Variants in ADARB2 observed in about 807,000 individuals in gnomAD.
ADARB2 encodes inactive double-stranded RNA-specific editase B2.
Under a neutral mutation model 62.2 loss-of-function variants are expected in ADARB2, and 25 were observed. That is an observed-to-expected ratio of 0.40 (90% CI 0.29 to 0.56). The LOEUF (loss-of-function observed/expected upper bound fraction) is 0.56, where lower values mean the gene tolerates loss of function less well. ADARB2 is among the 20% of genes least tolerant of loss of function. The pLI is 0.43. For missense variants in ADARB2, 1,071 were observed against 1,077.4 expected, an observed-to-expected ratio of 0.99 and a Z score of 0.08; for synonymous variants, 572 against 500.8, an observed-to-expected ratio of 1.14 and a Z score of -1.90.
At chr10:1,235,571 T>C (rs1214980502) in intron 5 of ADARB2, among the ~76,000 whole-genome samples, 1 of 62,116 alleles carries the variant, frequency 1.6e-5, no homozygotes, top group African/African-American at 7.2e-5. Context: ...TACTCCCCCC[T>C]GCCTCCCGGT....
At chr10:1,640,331 G>A (rs1833965665) in intron 1 of ADARB2, among the ~76,000 whole-genome samples, 1 of 152,188 alleles carries the variant, frequency 6.6e-6, no homozygotes, top group African/African-American at 2.4e-5. Flanking sequence ...GGGAGGGGTA[G>A]ATATCATGGT....
At chr10:1,719,906 G>A (rs1835068769) in intron 1 of ADARB2, among the ~76,000 whole-genome samples, 1 of 152,190 alleles carries the variant, frequency 6.6e-6, no homozygotes, top group South Asian at 2.1e-4. Flanking sequence ...TGCTGGCAAA[G>A]CTATGGAAAA....
At chr10:1,270,874 T>C (rs916815370) in intron 4 of ADARB2, 81 bp downstream of exon 4, 25 of 1,238,000 alleles carry the variant, frequency 2.0e-5, no homozygotes, top group Non-Finnish European at 2.8e-5. Flanking sequence ...GAGAGAGCCT[T>C]TTGGCCTCCA....
intron 1 of ADARB2, among the ~76,000 whole-genome samples, chr10:1,476,991 C>G (rs1181668338): frequency 1.3e-5 from 2 of 152,060 alleles, no homozygotes; most frequent in Non-Finnish European, 2.9e-5. Flanking sequence ...CCCACGGGTT[C>G]CGGATGCTGA....
intron 1 of ADARB2, among the ~76,000 whole-genome samples, chr10:1,471,467 C>T (rs994344758): frequency 6.6e-6 from 1 of 152,164 alleles, no homozygotes; most frequent in South Asian, 2.1e-4. Flanking sequence ...CTCGGCTTAC[C>T]GCAACCTCTG....
At chr10:1,260,312 C>A (rs1356676083) in intron 4 of ADARB2, among the ~76,000 whole-genome samples, 1 of 152,088 alleles carries the variant, frequency 6.6e-6, no homozygotes. Context: ...GGCAATCAGG[C>A]AGGAGAAGGA....
chr10:1,331,786 G>A (rs886884436), intron 3 of ADARB2, among the ~76,000 whole-genome samples: 1 of 152,190 alleles, frequency 6.6e-6, no homozygotes, highest in African/African-American at 2.4e-5. Context: ...ATCAGTAAAA[G>A]TTCTAGATTT....
At chr10:1,728,271 A>G (rs530957691) in intron 1 of ADARB2, among the ~76,000 whole-genome samples, 1 of 152,310 alleles carries the variant, frequency 6.6e-6, no homozygotes, top group South Asian at 2.1e-4. Flanking sequence ...TTTTACAATT[A>G]AGCAATTAGT....
At chr10:1,292,810 C>T (rs1022289181) in intron 3 of ADARB2, 10 of 152,110 alleles carry the variant, frequency 6.6e-5, no homozygotes, top group East Asian at 1.9e-4. Flanking sequence ...TGTGGCTGCT[C>T]GGAGCCTGTT....
intron 1 of ADARB2, among the ~76,000 whole-genome samples, chr10:1,534,104 A>T (rs1832290242): frequency 6.6e-6 from 1 of 150,918 alleles, no homozygotes; most frequent in South Asian, 2.1e-4. Context: ...AGGGTTAAGA[A>T]GGATTAGAAG....
At chr10:1,418,892 G>A (rs888238762) in intron 1 of ADARB2, among the ~76,000 whole-genome samples, 4 of 152,064 alleles carry the variant, frequency 2.6e-5, no homozygotes, top group African/African-American at 4.8e-5. Flanking sequence ...TGTTTTGTGC[G>A]TGCTGTCGGA....
chr10:1,653,519 G>T (rs866551221), intron 1 of ADARB2, among the ~76,000 whole-genome samples: 1 of 149,436 alleles, frequency 6.7e-6, no homozygotes, highest in Non-Finnish European at 1.5e-5. Context: ...CTGCAGAGCC[G>T]CAGTCTCCAC....
chr10:1,395,556 G>A (rs1035084508), intron 1 of ADARB2, among the ~76,000 whole-genome samples: 2 of 152,206 alleles, frequency 1.3e-5, no homozygotes, highest in Admixed American at 1.3e-4. Context: ...TCCCCAGCGG[G>A]GCGTCTGCTC....
At chr10:1,432,987 C>A (rs1305448092) in intron 1 of ADARB2, among the ~76,000 whole-genome samples, 1 of 151,942 alleles carries the variant, frequency 6.6e-6, no homozygotes, top group East Asian at 1.9e-4. Flanking sequence ...TGAAGATGAA[C>A]CTGGCTGATA....
chr10:1,704,613 C>T lies in ADARB2; in HGVS notation c.100+32438G>A, dbSNP rs962495695. Among the ~76,000 whole-genome samples the T allele has an allele frequency of 1.3e-5, 2 of 152,206 alleles. No individual in the cohort carries two copies. Among genetic ancestry groups the T allele is most frequent in the African/African-American group, 2.4e-5 (1 of 41,450 alleles). On this transcript the variant is annotated intron_variant, in intron 1 of 9. Transcript: ENST00000381312. This position sits in a 1 kb window ranked among gnomAD's most constrained non-coding sequence, Gnocchi z 5.6. ...CTCCTAACAGGTCCTGGACCAGTACCAGTCCTTGGCCCGGGGGCTGGAGAC... is the reference window on the plus strand; with the variant it reads ...CTCCTAACAGGTCCTGGACCAGTACTAGTCCTTGGCCCGGGGGCTGGAGAC...
Position 1,180,947 on chromosome 10 carries a change from G to A in ADARB2, c.*2246C>T, listed in dbSNP as rs539419856. 5 of 152,348 alleles carry A rather than the reference G, an allele frequency of 3.3e-5. No individual in the cohort carries two copies. Among genetic ancestry groups the A allele is most frequent in the Admixed American group, 2.6e-4 (4 of 15,308 alleles). The allele number at this position is 152,348 out of a possible 1,614,324, so 9.4% of individuals were successfully genotyped here. A position where few individuals can be genotyped will look rare whatever the true frequency, so the allele number is the denominator to read the frequency against. The stretch of plus-strand genomic sequence containing the variant: ...GGAAGGTCAATGCCTGAGACAAAAC[G>A]AATCCCAACCCCCCAGCTGTGGCTT... On this transcript the variant is annotated 3_prime_UTR_variant, in exon 10 of 10. Transcript: ENST00000381312.
chr10:1,566,063 CAAA>C (rs376967105), intron 1 of ADARB2, among the ~76,000 whole-genome samples: 3 of 128,040 alleles, frequency 2.3e-5, no homozygotes, highest in African/African-American at 9.0e-5. Context: ...CTCAGTCTAG[CAAA>C]AAAAAAAAAA....
chr10:1,499,542 C>T (rs945547450), intron 1 of ADARB2, among the ~76,000 whole-genome samples: 1 of 151,774 alleles, frequency 6.6e-6, no homozygotes, highest in African/African-American at 2.4e-5. Context: ...ATCACTCGCT[C>T]ATGTCTCACT....
At chr10:1,693,803 T>C (rs1238082973) in intron 1 of ADARB2, among the ~76,000 whole-genome samples, 2 of 152,224 alleles carry the variant, frequency 1.3e-5, no homozygotes, top group African/African-American at 4.8e-5. Flanking sequence ...GTAGTTATAT[T>C]GAGGAAACAT....
Sources: allele counts gnomAD v4.1 joint callset (sites outside exome capture counted in the v4.1 genomes callset), GRCh38; gene constraint gnomAD v4.1.1; non-coding constraint Gnocchi (gnomAD v3.1); transcripts MANE v1.5; gene names NCBI Gene and HGNC (gene_info 2026-07-23, HGNC 2026-07-21).